WDHD1: variants seen among roughly 807,000 people sequenced by gnomAD.
The protein encoded by WDHD1 is WD repeat and HMG-box DNA-binding protein 1.
In WDHD1, 111 loss-of-function variants were observed where a neutral mutation model predicts 135.4. The observed-to-expected ratio is 0.82, with a 90% CI of 0.70 to 0.96. WDHD1 has a LOEUF of 0.96. Among genes scored for constraint, WDHD1 ranks in the 40% least tolerant of loss-of-function variants. WDHD1 has a pLI of 0.00. For synonymous variants in WDHD1, 434 were observed against 439.0 expected, an observed-to-expected ratio of 0.99 and a Z score of 0.14; for missense variants, 1,351 against 1,336.3, an observed-to-expected ratio of 1.01 and a Z score of -0.17.
At position 54,941,681 on chromosome 14, in the gene WDHD1, T is replaced by G. The variant is rs115022805; in HGVS notation, c.3199A>C (p.Asn1067His). 9.0e-4 allele frequency: 1,452 copies of G among 1,613,382 alleles called. 15 individuals are homozygous for G. The African/African-American group carries it at 0.018, about 20-fold the overall frequency. Reference sequence around the variant, plus strand: ...CTTGCCGTTTCTCCTTTGGCTTTGTTAGCCCACACCTTTGTAAAATGGCAG... The same window carrying G: ...CTTGCCGTTTCTCCTTTGGCTTTGTGAGCCCACACCTTTGTAAAATGGCAG... The part of the protein sequence containing the change: ...LSTEERKVWA[N>H]KAKGETASEG... The change falls in exon 26 of 26, where the codon AAC becomes CAC. Residue 1067 changes from asparagine (N) to histidine (H), a missense_variant. Around this residue, in one of 2 missense-constraint regions of WDHD1, gnomAD observed 1,330 missense variants for 1,296.1 expected, o/e 1.03. Coordinates refer to ENST00000360586, the MANE Select transcript of WDHD1 (RefSeq NM_007086.4).
chr14:55,015,743 G>T (rs1309862325), intron 2 of WDHD1, among the ~76,000 whole-genome samples: 2 of 150,676 alleles, frequency 1.3e-5, no homozygotes, highest in Non-Finnish European at 2.9e-5. Context: ...CTGTCGCCCA[G>T]GCTGAAGTGC....
At chr14:55,007,584 T>C (rs1181151124) in intron 6 of WDHD1, among the ~76,000 whole-genome samples, 2 of 152,056 alleles carry the variant, frequency 1.3e-5, no homozygotes, top group African/African-American at 4.8e-5. Flanking sequence ...ATAACTAGAG[T>C]ATTTTCTGTG....
At position 55,011,524 on chromosome 14, in the gene WDHD1, C is replaced by CAAAAA. The variant is rs60615259; in HGVS notation, c.190-1069_190-1065dup. On this transcript the variant is annotated intron_variant, in intron 3 of 25. Transcript: ENST00000360586. The stretch of plus-strand genomic sequence containing the variant: ...AGGCAACAAGAGTGAAACTCTGTCT[C>CAAAAA]AAAAAAAAAAAAAAAAAAAAAAAAA... 2.8e-3 allele frequency among the ~76,000 whole-genome samples: 141 copies of CAAAAA among 50,990 alleles called. 23 individuals are homozygous for CAAAAA. The highest frequency in any genetic ancestry group is 9.6e-3 in the African/African-American group (119 of 12,336). The allele number at this position is 50,990 out of a possible 152,430, so 33.5% of individuals were successfully genotyped here.
At chr14:54,945,531 T>G (rs766683103) in intron 24 of WDHD1, among the ~76,000 whole-genome samples, 2 of 152,130 alleles carry the variant, frequency 1.3e-5, no homozygotes, top group Non-Finnish European at 2.9e-5. Flanking sequence ...ACCAGGCAAT[T>G]TGACTCCAAA....
At chr14:54,972,606 T>A (rs2041459228) in intron 16 of WDHD1, among the ~76,000 whole-genome samples, 1 of 127,274 alleles carries the variant, frequency 7.9e-6, no homozygotes, top group Non-Finnish European at 1.7e-5. Context: ...ATGAGGCATA[T>A]TCACTTTCAT....
Position 54,967,390 on chromosome 14 carries a change from T to G in WDHD1, c.2068A>C (p.Ile690Leu). Residue 690 changes from isoleucine to leucine, a missense_variant, in exon 17 of 26, where the codon ATT becomes CTT. By Grantham distance (5) the Ile-to-Leu change is conservative (BLOSUM62 2). This residue lies in a region of WDHD1 where 1,330 missense variants were observed against 1,296.1 expected (regional missense o/e 1.03). Transcript: ENST00000360586. ...GGAAACCGAGAACCTTTACAAGGAA[T>G]GCACCTGTTAGTAAAGAAAAGTTCC... ...IHENPQQLRC[I>L]PCKGSRFPPT... 1 of 1,598,552 alleles carries G rather than the reference T, an allele frequency of 6.3e-7. No individual in the cohort carries two copies. Among genetic ancestry groups the G allele is most frequent in the Non-Finnish European group, 8.5e-7 (1 of 1,174,564 alleles).
intron 2 of WDHD1, among the ~76,000 whole-genome samples, chr14:55,026,111 C>T (rs901415447): frequency 6.6e-6 from 1 of 152,190 alleles, no homozygotes; most frequent in Non-Finnish European, 1.5e-5. Context: ...GTGTCTGGTT[C>T]GCTCTATTCT....
chr14:55,003,052 CTG>C (rs950025921), intron 7 of WDHD1, among the ~76,000 whole-genome samples: 2 of 152,062 alleles, frequency 1.3e-5, no homozygotes, highest in African/African-American at 4.8e-5. Context: ...AAAAATAAAA[CTG>C]TGTATTCTTT....
intron 24 of WDHD1, 151 bp downstream of exon 24, chr14:54,955,410 G>T: frequency 1.9e-6 from 1 of 527,812 alleles, no homozygotes; most frequent in Non-Finnish European, 2.9e-6. Flanking sequence ...AATATTTGTG[G>T]CTTCCTTATA....
chr14:54,985,438 A>G (rs955533089), intron 14 of WDHD1, among the ~76,000 whole-genome samples: 56 of 152,322 alleles, frequency 3.7e-4, no homozygotes, highest in African/African-American at 1.3e-3. Context: ...GGGCTCGAAG[A>G]ACACAAAGAG....
rs777320118 is a variant in WDHD1 at position 54,968,255 on chromosome 14, C to T, written c.2064-861G>A. On this transcript the variant is annotated intron_variant, in intron 16 of 25. Transcript: ENST00000360586. ...TTACATGGAAAGTAAACAACATACTCCAGAATGACTTTTGAATAAACAATG... is the reference window on the plus strand; with the variant it reads ...TTACATGGAAAGTAAACAACATACTTCAGAATGACTTTTGAATAAACAATG... 8.5e-5 allele frequency among the ~76,000 whole-genome samples: 13 copies of T among 152,166 alleles called. No homozygotes were observed. The South Asian group carries it at 1.5e-3, about 17-fold the overall frequency.
At chr14:54,959,611 A>C (rs1254573662) in intron 21 of WDHD1, among the ~76,000 whole-genome samples, 4 of 152,106 alleles carry the variant, frequency 2.6e-5, no homozygotes, top group Non-Finnish European at 5.9e-5. Context: ...AAAAGTACAC[A>C]CAAAAAATTA....
intron 24 of WDHD1, among the ~76,000 whole-genome samples, chr14:54,953,564 C>T (rs1016429279): frequency 6.6e-6 from 1 of 152,110 alleles, no homozygotes; most frequent in East Asian, 1.9e-4. Flanking sequence ...GGCGGTGTGG[C>T]GATTCCTCAA....
At chr14:55,013,643 T>C in intron 2 of WDHD1, 47 bp from the exon 3 acceptor site, 1 of 1,429,210 alleles carries the variant, frequency 7.0e-7, no homozygotes, top group African/African-American at 1.4e-5. Flanking sequence ...TGGTGTCTCA[T>C]GCCTATAATG....
At chr14:54,948,911 C>G (rs1211858946) in intron 24 of WDHD1, among the ~76,000 whole-genome samples, 3 of 152,204 alleles carry the variant, frequency 2.0e-5, no homozygotes, top group African/African-American at 7.2e-5. Context: ...GGGCCTCCAG[C>G]AAACTCCAAC....
At chr14:54,987,789 G>C (rs1176509445) in intron 13 of WDHD1, among the ~76,000 whole-genome samples, 1 of 152,120 alleles carries the variant, frequency 6.6e-6, no homozygotes, top group Admixed American at 6.6e-5. Flanking sequence ...ACTGCACCTG[G>C]TTAATTTTTG....
chr14:55,027,020 G>A lies in WDHD1; in HGVS notation c.-17+8C>T, dbSNP rs920012984. Reference sequence around the variant, plus strand: ...TGGTGGACGCGGGCAGCCGGAGTGGGGACTCACCCGGGTGACCGAGCCTCC... The same window carrying A: ...TGGTGGACGCGGGCAGCCGGAGTGGAGACTCACCCGGGTGACCGAGCCTCC... On this transcript the variant is annotated splice_region_variant and intron_variant, in intron 1 of 25. Transcript: ENST00000360586. 25 of 525,440 alleles carry A rather than the reference G, an allele frequency of 4.8e-5. No homozygotes were observed. The South Asian group carries it at 4.8e-4, about 10-fold the overall frequency. The allele number at this position is 525,440 out of a possible 1,614,324, so 32.5% of individuals were successfully genotyped here. A position where few individuals can be genotyped will look rare whatever the true frequency, so the allele number is the denominator to read the frequency against.
chr14:55,000,960 C>A lies in WDHD1; in HGVS notation c.726G>T (p.Gly242=), dbSNP rs1277302258. Residue 242 remains glycine, a synonymous_variant, in exon 9 of 26, where the codon GGG becomes GGT. Coordinates refer to ENST00000360586, the MANE Select transcript of WDHD1 (RefSeq NM_007086.4). The part of the protein sequence containing the change: ...TLNIVTWSPC[G]QYLAAGSING... ...TAATACTACCTGCAGCTAAATATTG[C>A]CCACAGGGAGACCAGGTTACTATAT... The A allele has an allele frequency of 1.9e-6, 3 of 1,588,960 alleles. No homozygotes were observed. The highest frequency in any genetic ancestry group is 1.7e-6 in the Non-Finnish European group (2 of 1,168,902).
At chr14:54,974,495 T>C (rs55802024) in intron 16 of WDHD1, among the ~76,000 whole-genome samples, 1 of 145,862 alleles carries the variant, frequency 6.9e-6, no homozygotes. Context: ...TTTGTTTTGT[T>C]TTTTTTTTTT....
Sources: allele counts gnomAD v4.1 joint callset (sites outside exome capture counted in the v4.1 genomes callset), GRCh38; gene constraint gnomAD v4.1.1; regional missense constraint gnomAD v4.1.1; transcripts MANE v1.5; gene names NCBI Gene and HGNC (gene_info 2026-07-23, HGNC 2026-07-21).